Variants in ERC2 observed in about 807,000 individuals in gnomAD.
The protein encoded by ERC2 is ERC protein 2.
A neutral mutation model predicts 114.8 loss-of-function variants in ERC2; 42 were observed. The ratio of observed to expected loss-of-function variants is 0.37; its 90% CI spans 0.29 to 0.47. The LOEUF (loss-of-function observed/expected upper bound fraction) is 0.47, where lower values mean the gene tolerates loss of function less well. Ranked by LOEUF, ERC2 falls within the 20% of genes least tolerant of loss-of-function variation. ERC2 has a pLI of 0.99. For missense variants in ERC2, 939 were observed against 1,150.7 expected (o/e 0.82, Z 2.66); for synonymous variants, 454 against 425.5 (o/e 1.07, Z -0.82).
intron 17 of ERC2, among the ~76,000 whole-genome samples, chr3:55,599,463 G>T (rs1326974485): frequency 1.3e-5 from 2 of 152,178 alleles, no homozygotes; most frequent in Non-Finnish European, 2.9e-5. Context: ...ACACACCAGA[G>T]AAATTATCAC....
At chr3:56,386,657 A>G (rs1450938017) in intron 2 of ERC2, among the ~76,000 whole-genome samples, 1 of 152,146 alleles carries the variant, frequency 6.6e-6, no homozygotes, top group African/African-American at 2.4e-5. Context: ...TCCAGACCCC[A>G]TACCTCTACT....
At chr3:55,916,465 G>A (rs2065097628) in intron 13 of ERC2, among the ~76,000 whole-genome samples, 1 of 152,134 alleles carries the variant, frequency 6.6e-6, no homozygotes, top group Non-Finnish European at 1.5e-5. Context: ...CCTAGAATAT[G>A]CAAGCAGAGA....
chr3:55,845,464 A>C (rs1033668145), intron 14 of ERC2, among the ~76,000 whole-genome samples: 1 of 140,736 alleles, frequency 7.1e-6, no homozygotes, highest in Non-Finnish European at 1.5e-5. Context: ...AGATCCCGCC[A>C]CTGCACTCCA....
intron 17 of ERC2, among the ~76,000 whole-genome samples, chr3:55,590,358 C>G (rs757404510): frequency 1.2e-4 from 19 of 152,192 alleles, no homozygotes; most frequent in South Asian, 4.1e-4. Flanking sequence ...TCATTAACAT[C>G]TAAAAAGAGC....
At chr3:56,093,242 C>T (rs985183338) in intron 6 of ERC2, among the ~76,000 whole-genome samples, 4 of 152,060 alleles carry the variant, frequency 2.6e-5, no homozygotes, top group Non-Finnish European at 4.4e-5. Flanking sequence ...ATGATTATCT[C>T]AAAAGTTAAA....
chr3:55,729,936 C>T (rs1217863960), intron 15 of ERC2, among the ~76,000 whole-genome samples: 3 of 145,572 alleles, frequency 2.1e-5, no homozygotes, highest in African/African-American at 7.6e-5. Flanking sequence ...AGCACTGTAA[C>T]ACAGAGCAGG....
intron 14 of ERC2, among the ~76,000 whole-genome samples, chr3:55,887,081 G>A (rs1193386309): frequency 6.6e-6 from 1 of 152,220 alleles, no homozygotes; most frequent in African/African-American, 2.4e-5. Context: ...AACTCCTGGA[G>A]AAAATTAGAT....
At chr3:56,007,362 T>C (rs1208362264) in intron 9 of ERC2, 41 bp from the exon 10 acceptor site, 1 of 1,555,560 alleles carries the variant, frequency 6.4e-7, no homozygotes. Flanking sequence ...CACTGAAATT[T>C]CTACTAGCAA....
At position 55,768,828 on chromosome 3, in the gene ERC2, G is replaced by A. The variant is rs146620189; in HGVS notation, c.2565-33910C>T. Among the ~76,000 whole-genome samples the A allele has an allele frequency of 3.6e-3, 546 of 152,186 alleles. 2 individuals carry two copies. Among genetic ancestry groups the A allele is most frequent in the African/African-American group, 0.012 (514 of 41,488 alleles). ...GGTTACACACCCTAGTTGGGGGTTG[G>A]GTTTTACTTTAGTTTTATGTTTTAA... On this transcript the variant is annotated intron_variant, in intron 14 of 17. Coordinates refer to ENST00000288221, the MANE Select transcript of ERC2 (RefSeq NM_015576.3).
At chr3:56,274,374 T>C in intron 3 of ERC2, among the ~76,000 whole-genome samples, 1 of 152,188 alleles carries the variant, frequency 6.6e-6, no homozygotes, top group East Asian at 1.9e-4. Flanking sequence ...GGTTGGGAAC[T>C]GCTGGGTTAC....
intron 12 of ERC2, among the ~76,000 whole-genome samples, chr3:55,961,638 A>G (rs551547911): frequency 2.0e-5 from 3 of 152,108 alleles, no homozygotes; most frequent in Non-Finnish European, 4.4e-5. Flanking sequence ...TATTTCTGGA[A>G]CTGACCCTCA....
chr3:56,361,704 A>G (rs1280504337), intron 2 of ERC2, among the ~76,000 whole-genome samples: 1 of 152,232 alleles, frequency 6.6e-6, no homozygotes, highest in East Asian at 1.9e-4. Context: ...ACCATCAGTA[A>G]GAGCAGATGA....
intron 10 of ERC2, among the ~76,000 whole-genome samples, chr3:55,996,382 A>T (rs1398599506): frequency 6.6e-6 from 1 of 152,156 alleles, no homozygotes; most frequent in African/African-American, 2.4e-5. Flanking sequence ...CATCATTAAA[A>T]CTAAAGGAAT....
chr3:55,958,719 C>T (rs79705321), intron 12 of ERC2, among the ~76,000 whole-genome samples: 5,126 of 152,336 alleles, frequency 0.034, 166 homozygotes, highest in African/African-American at 0.083. Context: ...CCTGAGCATG[C>T]GCGCACCTGG....
At chr3:55,667,076 T>C (rs1044819932) in intron 17 of ERC2, among the ~76,000 whole-genome samples, 1 of 152,216 alleles carries the variant, frequency 6.6e-6, no homozygotes, top group Non-Finnish European at 1.5e-5. Flanking sequence ...TATATCATGT[T>C]GTCATGTTGC....
intron 6 of ERC2, among the ~76,000 whole-genome samples, chr3:56,098,622 G>A (rs9311594): frequency 0.17 from 25,882 of 152,154 alleles, 2,364 homozygotes; most frequent in African/African-American, 0.23. Context: ...AAAGTGCTCT[G>A]TTTATCATCT....
intron 13 of ERC2, among the ~76,000 whole-genome samples, chr3:55,911,904 A>G (rs1465076916): frequency 6.6e-6 from 1 of 152,164 alleles, no homozygotes; most frequent in Non-Finnish European, 1.5e-5. Context: ...TCAAAGGAGC[A>G]ATTTGATTGT....
intron 14 of ERC2, among the ~76,000 whole-genome samples, chr3:55,886,628 T>A (rs1319613713): frequency 6.6e-6 from 1 of 152,206 alleles, no homozygotes; most frequent in East Asian, 1.9e-4. Context: ...TACACTATAT[T>A]TTTGGTGTTT....
intron 2 of ERC2, among the ~76,000 whole-genome samples, chr3:56,399,721 C>A (rs957168553): frequency 8.6e-5 from 13 of 151,952 alleles, no homozygotes; most frequent in Non-Finnish European, 1.9e-4. Context: ...AAGAGAACTA[C>A]CCTGAAGAAA....
Sources: gnomAD v4.1 joint callset for allele counts (sites outside exome capture counted in the v4.1 genomes callset) on GRCh38, gnomAD v4.1.1 for gene constraint, MANE v1.5 for transcripts, NCBI Gene and HGNC (gene_info 2026-07-23, HGNC 2026-07-21) for gene names.